The following CDH18 variants were observed in gnomAD, a reference collection of about 807,000 sequenced individuals.
CDH18 encodes cadherin 18.
CDH18 carries 31 observed loss-of-function variants against 67.9 expected under a neutral mutation model. The ratio of observed to expected loss-of-function variants is 0.46; its 90% CI spans 0.34 to 0.62. The LOEUF (loss-of-function observed/expected upper bound fraction) is 0.62, where lower values mean the gene tolerates loss of function less well. CDH18 is among the 20% of genes least tolerant of loss of function. The pLI is 0.01. For synonymous variants in CDH18, 362 were observed against 347.2 expected (o/e 1.04, Z -0.48); for missense variants, 890 against 975.5 (o/e 0.91, Z 1.17).
At chr5:20,446,480 C>T (rs1750013027) in intron 1 of CDH18, among the ~76,000 whole-genome samples, 1 of 152,098 alleles carries the variant, frequency 6.6e-6, no homozygotes, top group Non-Finnish European at 1.5e-5. Context: ...AAAAAGTTTG[C>T]TCAAGTGAGG....
chr5:20,493,268 G>A (rs1392946462), intron 1 of CDH18, among the ~76,000 whole-genome samples: 2 of 145,048 alleles, frequency 1.4e-5, no homozygotes, highest in East Asian at 4.3e-4. Flanking sequence ...AGAATTGCTT[G>A]AGCCTGGGAG....
chr5:20,107,321 G>A (rs1427565806), intron 2 of CDH18, among the ~76,000 whole-genome samples: 1 of 151,988 alleles, frequency 6.6e-6, no homozygotes, highest in Non-Finnish European at 1.5e-5. Context: ...TGATCCGCCT[G>A]CCTTGGCCTC....
chr5:19,811,547 G>T (rs1778748470), intron 3 of CDH18, among the ~76,000 whole-genome samples: 1 of 152,018 alleles, frequency 6.6e-6, no homozygotes, highest in African/African-American at 2.4e-5. Context: ...ATAATAATAT[G>T]CTGTTTAAGT....
chr5:19,517,381 T>C (rs957165744), intron 10 of CDH18, among the ~76,000 whole-genome samples: 10 of 104,772 alleles, frequency 9.5e-5, no homozygotes, highest in Non-Finnish European at 1.9e-4. Context: ...AGAAAGTCTG[T>C]AGTTTGTCTT....
In CDH18 at chr5:20,310,809, C is replaced by T. The variant is rs186585902; in HGVS notation, c.-579-55304G>A. ...CACATTGTTCTTTCTTCTTTTCTGA[C>T]TACTGGATTGCTCTTCCTCATTGCA... On this transcript the variant is annotated intron_variant, in intron 1 of 14. Transcript: ENST00000507958. Among the ~76,000 whole-genome samples, 44 of 152,268 alleles carry T rather than the reference C, an allele frequency of 2.9e-4. No individual in the cohort carries two copies. The South Asian group carries it at 8.3e-3, about 29-fold the overall frequency.
At chr5:19,865,173 A>T (rs1469943121) in intron 2 of CDH18, among the ~76,000 whole-genome samples, 1 of 152,132 alleles carries the variant, frequency 6.6e-6, no homozygotes, top group Non-Finnish European at 1.5e-5. Context: ...AAATAAAGCC[A>T]CACTTGCTGT....
intron 2 of CDH18, among the ~76,000 whole-genome samples, chr5:19,889,409 G>C (rs1199592646): frequency 6.6e-6 from 1 of 151,914 alleles, no homozygotes; most frequent in Non-Finnish European, 1.5e-5. Context: ...ATGTGTTTCA[G>C]AAATAAGTTC....
At chr5:20,302,026 G>A (rs1446964876) in intron 1 of CDH18, among the ~76,000 whole-genome samples, 2 of 148,156 alleles carry the variant, frequency 1.3e-5, no homozygotes, top group African/African-American at 5.3e-5. Context: ...AGGATGAGAT[G>A]GATACACAGG....
intron 3 of CDH18, among the ~76,000 whole-genome samples, chr5:19,767,376 A>C (rs1773225982): frequency 6.6e-6 from 1 of 152,110 alleles, no homozygotes; most frequent in Admixed American, 6.6e-5. Flanking sequence ...GGAGGCTTGA[A>C]GGGTAAAGGA....
intron 1 of CDH18, among the ~76,000 whole-genome samples, chr5:20,489,217 G>A (rs1360230422): frequency 6.6e-6 from 1 of 151,906 alleles, no homozygotes; most frequent in East Asian, 1.9e-4. Context: ...ATATGACAAA[G>A]AAAACAGATC....
chr5:20,355,708 C>A (rs1741555348), intron 1 of CDH18, among the ~76,000 whole-genome samples: 1 of 152,140 alleles, frequency 6.6e-6, no homozygotes, highest in Non-Finnish European at 1.5e-5. Context: ...TAAGGTAAAA[C>A]TACTTTTGTA....
intron 2 of CDH18, among the ~76,000 whole-genome samples, chr5:20,058,080 G>T (rs931313244): frequency 6.6e-6 from 1 of 152,038 alleles, no homozygotes; most frequent in African/African-American, 2.4e-5. Flanking sequence ...AAAAGCTATT[G>T]ACCTAGGCGC....
intron 2 of CDH18, among the ~76,000 whole-genome samples, chr5:19,899,270 G>C (rs1427544964): frequency 1.3e-5 from 2 of 151,866 alleles, no homozygotes; most frequent in Non-Finnish European, 2.9e-5. Flanking sequence ...CATAGTGGCG[G>C]GTGCCTGTAG....
intron 1 of CDH18, among the ~76,000 whole-genome samples, chr5:20,369,019 T>G (rs940043899): frequency 2.0e-5 from 3 of 152,184 alleles, no homozygotes; most frequent in African/African-American, 7.2e-5. Flanking sequence ...ATCTTGGGAC[T>G]CAGCTTTCAC....
intron 1 of CDH18, among the ~76,000 whole-genome samples, chr5:20,291,805 T>G (rs1002815570): frequency 6.6e-6 from 1 of 152,118 alleles, no homozygotes; most frequent in Non-Finnish European, 1.5e-5. Context: ...TCCAAAGCAA[T>G]TTTTCCAGGC....
intron 2 of CDH18, among the ~76,000 whole-genome samples, chr5:20,242,618 A>ATACATATATATATATACATG (rs1561905936): frequency 1.4e-4 from 17 of 124,098 alleles, no homozygotes; most frequent in African/African-American, 4.1e-4. Context: ...AAAAATATAT[A>ATACATATATATATATACATG]TATATATATA....
chr5:20,293,582 G>A (rs150211327), intron 1 of CDH18, among the ~76,000 whole-genome samples: 2,253 of 152,184 alleles, frequency 0.015, 31 homozygotes, highest in South Asian at 0.03. Context: ...TGTTTCATGA[G>A]GAAAATTATT....
At chr5:19,571,412 T>C (rs991905592) in intron 8 of CDH18, among the ~76,000 whole-genome samples, 167 bp downstream of exon 8, 1 of 152,164 alleles carries the variant, frequency 6.6e-6, no homozygotes, top group Non-Finnish European at 1.5e-5. Flanking sequence ...GTGACAAAAA[T>C]CCAACTGCTA....
chr5:20,161,410 C>T (rs1175743903), intron 2 of CDH18, among the ~76,000 whole-genome samples: 2 of 152,174 alleles, frequency 1.3e-5, no homozygotes, highest in Non-Finnish European at 2.9e-5. Flanking sequence ...TCACCATACA[C>T]TTGCTGGCAC....
Sources: gnomAD v4.1 joint callset for allele counts (sites outside exome capture counted in the v4.1 genomes callset) on GRCh38, gnomAD v4.1.1 for gene constraint, MANE v1.5 for transcripts, NCBI Gene and HGNC (gene_info 2026-07-23, HGNC 2026-07-21) for gene names.